Variants in NDRG2 observed in about 807,000 individuals in gnomAD.
NDRG2 encodes the protein protein NDRG2.
NDRG2 carries 34 observed loss-of-function variants against 58.2 expected under a neutral mutation model. The observed-to-expected ratio is 0.58, with a 90% confidence interval of 0.44 to 0.78. The LOEUF (loss-of-function observed/expected upper bound fraction) is 0.78, where lower values mean the gene tolerates loss of function less well. Among genes scored for constraint, NDRG2 ranks in the 30% least tolerant of loss-of-function variants. The probability of loss-of-function intolerance (pLI) is 0.00; values close to 1 mark genes in which losing one functional copy is unlikely to be tolerated. For synonymous variants in NDRG2, 187 were observed against 175.9 expected, an observed-to-expected ratio of 1.06 and a Z score of -0.50; for missense variants, 434 against 471.2, an observed-to-expected ratio of 0.92 and a Z score of 0.73.
At position 21,070,279 on chromosome 14, in the gene NDRG2, C is replaced by G; in HGVS notation, c.24+549G>C. ...GAAGCCGGAGCGGGCCGAGCCGCCA[C>G]CGCGGCCGGAGCTGTCCCTTAGCCA... On this transcript the variant is annotated intron_variant, in intron 1 of 14. Transcript: ENST00000403829. This position sits in a 1 kb window ranked among gnomAD's most constrained non-coding sequence, Gnocchi z 4.7. 1 of 1,113,312 alleles carries G rather than the reference C, an allele frequency of 9.0e-7. No individual in the cohort carries two copies. Among genetic ancestry groups the G allele is most frequent in the Non-Finnish European group, 1.1e-6 (1 of 888,128 alleles). The allele number at this position is 1,113,312 out of a possible 1,614,324, so 69.0% of individuals were successfully genotyped here. A position where few individuals can be genotyped will look rare whatever the true frequency, so the allele number is the denominator to read the frequency against.
At chr14:21,059,139 C>T (rs926877063) in intron 1 of NDRG2, among the ~76,000 whole-genome samples, 2 of 152,134 alleles carry the variant, frequency 1.3e-5, no homozygotes, top group Admixed American at 1.3e-4. Context: ...GGCCTGACCC[C>T]CTTGTGTGTG....
At position 21,070,299 on chromosome 14, in the gene NDRG2, T is replaced by C; in HGVS notation, c.24+529A>G. 7.5e-7 allele frequency: 1 copy of C among 1,328,996 alleles called. No individual in the cohort carries two copies. Among genetic ancestry groups the C allele is most frequent in the African/African-American group, 1.6e-5 (1 of 64,268 alleles). The allele number at this position is 1,328,996 out of a possible 1,614,324, so 82.3% of individuals were successfully genotyped here. A position where few individuals can be genotyped will look rare whatever the true frequency, so the allele number is the denominator to read the frequency against. On this transcript the variant is annotated intron_variant, in intron 1 of 14. Coordinates refer to the NDRG2 transcript ENST00000403829. The surrounding 1 kb of genome is among the most constrained non-coding windows in gnomAD (Gnocchi z 4.7). ...CGCCACCGCGGCCGGAGCTGTCCCTTAGCCAGACCCGGCGAGACACGAGCG... is the reference window on the plus strand; with the variant it reads ...CGCCACCGCGGCCGGAGCTGTCCCTCAGCCAGACCCGGCGAGACACGAGCG...
At chr14:21,032,793 G>T (rs1320291231) in intron 1 of NDRG2, 1 of 372,438 alleles carries the variant, frequency 2.7e-6, no homozygotes, top group East Asian at 7.4e-5. Context: ...TGAAGAAAAA[G>T]CAATTAAATC....
intron 1 of NDRG2, chr14:21,058,420 C>T: frequency 1.6e-6 from 2 of 1,219,356 alleles, no homozygotes; most frequent in Non-Finnish European, 1.2e-6. Context: ...TTCCTCCCTC[C>T]AGTTCGTTAT....
At position 21,018,220 on chromosome 14, in the gene NDRG2, T is replaced by C; in HGVS notation, c.881A>G (p.Gln294Arg). Residue 294 changes from glutamine (Q) to arginine (R), a missense_variant, in exon 14 of 16, where the codon CAG (glutamine) becomes CGG (arginine). Gln to Arg is a conservative substitution (Grantham distance 43). Transcript: ENST00000556147. ...SFLKMADSGG[Q>R]PQLTQPGKLT... ...GGCACTCACCTGAGTCAGCTGGGGC[T>C]GACCTCCGGAGTCAGCCATCTGTTC... 1 of 1,613,836 alleles carries C rather than the reference T, an allele frequency of 6.2e-7. No individual in the cohort carries two copies. Among genetic ancestry groups the C allele is most frequent in the Non-Finnish European group, 8.5e-7 (1 of 1,180,004 alleles).
intron 6 of NDRG2, 74 bp from the exon 7 acceptor site, chr14:21,020,918 T>C: frequency 6.7e-7 from 1 of 1,484,126 alleles, no homozygotes; most frequent in Non-Finnish European, 9.3e-7. Context: ...CTCTTCAAAC[T>C]CTTCACCCTC....
intron 2 of NDRG2, 92 bp downstream of exon 2, chr14:21,023,149 G>A: frequency 1.8e-6 from 2 of 1,118,920 alleles, no homozygotes; most frequent in Non-Finnish European, 2.7e-6. Flanking sequence ...GTGTGAGTTA[G>A]AATAAGATCA....
intron 1 of NDRG2, chr14:21,032,766 C>T: frequency 2.7e-6 from 1 of 366,054 alleles, no homozygotes; most frequent in East Asian, 7.5e-5. Flanking sequence ...ATTCCAAGAG[C>T]AGGAGTTCTG....
intron 1 of NDRG2, chr14:21,057,969 G>A: frequency 6.2e-7 from 1 of 1,614,058 alleles, no homozygotes; most frequent in Non-Finnish European, 8.5e-7. Flanking sequence ...GTCCTAGTCA[G>A]AGCCAAGCCC....
Position 21,019,100 on chromosome 14 carries a change from T to C in NDRG2, c.761+16A>G. The C allele has an allele frequency of 6.3e-7, 1 of 1,594,482 alleles. No homozygotes were observed. The highest frequency in any genetic ancestry group is 8.5e-7 in the Non-Finnish European group (1 of 1,172,890). ...ATCCAGGGAGACAGGCAATGCATTATCTCTTAAAGTCTTACCTGAGGGTGA... is the reference window on the plus strand; with the variant it reads ...ATCCAGGGAGACAGGCAATGCATTACCTCTTAAAGTCTTACCTGAGGGTGA... On this transcript the variant is annotated intron_variant, in intron 11 of 15. Coordinates refer to ENST00000556147, the MANE Select transcript of NDRG2 (RefSeq NM_001320329.2).
chr14:21,021,612 C>T (rs1880391280), intron 6 of NDRG2: 3 of 600,520 alleles, frequency 5.0e-6, no homozygotes, highest in South Asian at 2.1e-5. Flanking sequence ...CTTCCCTCCA[C>T]CCATTAGGGC....
Position 21,070,293 on chromosome 14 carries a change from G to C in NDRG2, c.24+535C>G. 3.2e-6 allele frequency: 4 copies of C among 1,241,170 alleles called. No homozygotes were observed. The highest frequency in any genetic ancestry group is 4.1e-6 in the Non-Finnish European group (4 of 977,766). The allele number at this position is 1,241,170 out of a possible 1,614,324, so 76.9% of individuals were successfully genotyped here. A position where few individuals can be genotyped will look rare whatever the true frequency, so the allele number is the denominator to read the frequency against. On this transcript the variant is annotated intron_variant, in intron 1 of 14. Transcript: ENST00000403829. This position sits in a 1 kb window ranked among gnomAD's most constrained non-coding sequence, Gnocchi z 4.7. ...CCGAGCCGCCACCGCGGCCGGAGCT[G>C]TCCCTTAGCCAGACCCGGCGAGACA...
Position 21,017,427 on chromosome 14 carries a change from T to C in NDRG2, c.*169A>G, listed in dbSNP as rs1877328506. 2.7e-6 allele frequency: 2 copies of C among 748,468 alleles called. No individual in the cohort carries two copies. The highest frequency in any genetic ancestry group is 4.3e-6 in the Non-Finnish European group (2 of 465,770). 46.4% of individuals were successfully genotyped at this position (748,468 alleles called of 1,614,324 possible). On this transcript the variant is annotated 3_prime_UTR_variant, in exon 16 of 16. Coordinates refer to ENST00000556147, the MANE Select transcript of NDRG2 (RefSeq NM_001320329.2). ...CATCTCTTCCAGGAGCTGGGGGGAA[T>C]CACGGGTTAAAGGTCAAGGTTAGGG... is the stretch of plus-strand genomic sequence containing the variant.
Position 21,046,671 on chromosome 14 carries a change from G to C in NDRG2, c.25-23350C>G, listed in dbSNP as rs144158944. Reference sequence around the variant, plus strand: ...GCCTAGTGTACAGTCGAAAATCCAAGTATAACCTTTGACTCCCCCAAAACT... The same window carrying C: ...GCCTAGTGTACAGTCGAAAATCCAACTATAACCTTTGACTCCCCCAAAACT... On this transcript the variant is annotated intron_variant, in intron 1 of 14. Transcript: ENST00000403829. 1.9e-4 allele frequency among the ~76,000 whole-genome samples: 29 copies of C among 152,208 alleles called. No homozygotes were observed. The East Asian group carries it at 5.6e-3, about 29-fold the overall frequency.
At chr14:21,022,222 A>AG (rs757004822) in intron 4 of NDRG2, 40 bp from the exon 5 acceptor site, 1 of 1,614,016 alleles carries the variant, frequency 6.2e-7, no homozygotes, top group Admixed American at 1.7e-5. Flanking sequence ...AGAATCAGAC[A>AG]GGGACTCGTG....
At chr14:21,020,122 C>T (rs1357279314) in intron 8 of NDRG2, 146 bp from the exon 9 acceptor site, 1 of 667,214 alleles carries the variant, frequency 1.5e-6, no homozygotes, top group Non-Finnish European at 2.7e-6. Context: ...GGTGAAACCC[C>T]ATCTCTACTA....
At chr14:21,029,109 A>G (rs1371189678), upstream of NDRG2, 1 of 152,182 alleles carries the variant, frequency 6.6e-6, no homozygotes, top group African/African-American at 2.4e-5. Context: ...CACATCTGTT[A>G]TACTCCAAGG....
Position 21,019,687 on chromosome 14 carries a change from T to C in NDRG2, c.668A>G (p.His223Arg), listed in dbSNP as rs1297280565. ...TTCAATGTTATCCAGGTTGGGTGCATGTGTAATGATATTTCTGTACTTTTG... is the reference window on the plus strand; with the variant it reads ...TTCAATGTTATCCAGGTTGGGTGCACGTGTAATGATATTTCTGTACTTTTG... Reference protein sequence around the residue: ...LIQKYRNIITHAPNLDNIELY... With the variant: ...LIQKYRNIITRAPNLDNIELY... The change falls in exon 10 of 16, where the codon CAT (histidine) becomes CGT (arginine). Residue 223 changes from histidine to arginine, a missense_variant. By Grantham distance (29) the His-to-Arg change is conservative. Coordinates refer to ENST00000556147, the MANE Select transcript of NDRG2 (RefSeq NM_001320329.2). 5.0e-6 allele frequency: 8 copies of C among 1,613,928 alleles called. No individual in the cohort carries two copies. The highest frequency in any genetic ancestry group is 1.1e-5 in the South Asian group (1 of 91,072).
chr14:21,041,606 C>T (rs1382941834), intron 1 of NDRG2, among the ~76,000 whole-genome samples: 1 of 152,138 alleles, frequency 6.6e-6, no homozygotes, highest in Non-Finnish European at 1.5e-5. Flanking sequence ...ACAGGACATA[C>T]AAGGTGAAGG....
Sources: allele counts gnomAD v4.1 joint callset (sites outside exome capture counted in the v4.1 genomes callset), GRCh38; gene constraint gnomAD v4.1.1; non-coding constraint Gnocchi (gnomAD v3.1); transcripts MANE v1.5; gene names NCBI Gene and HGNC (gene_info 2026-07-23, HGNC 2026-07-21).